Variants in FCSK observed in about 807,000 individuals in gnomAD.
FCSK encodes the protein fucose kinase.
Under a neutral mutation model 122.5 loss-of-function variants are expected in FCSK, and 123 were observed. That is an observed-to-expected ratio of 1.00 (90% CI 0.87 to 1.17). The LOEUF is 1.17. Among genes scored for constraint, FCSK ranks in the 50% most tolerant of loss-of-function variants. The pLI is 0.00. For missense variants in FCSK, 1,366 were observed against 1,450.4 expected (o/e 0.94, Z 0.95); for synonymous variants, 620 against 625.5 (o/e 0.99, Z 0.13).
At chr16:70,475,141 A>G in intron 18 of FCSK, 130 bp downstream of exon 18, 1 of 1,028,230 alleles carries the variant, frequency 9.7e-7, no homozygotes, top group Non-Finnish European at 1.4e-6. Flanking sequence ...GAAGGGAAGG[A>G]AGGGGCTGGG....
rs950699515 is a variant in FCSK, at chr16:70,479,304, C to A, written c.3054C>A (p.Gly1018=). 41 of 1,613,928 alleles carry A rather than the reference C, an allele frequency of 2.5e-5. No homozygotes were observed. Among genetic ancestry groups the A allele is most frequent in the Non-Finnish European group, 3.4e-5 (40 of 1,180,014 alleles). The change falls in exon 23 of 24, where the codon GGC becomes GGA. Residue 1018 remains glycine (G), a synonymous_variant. Transcript: ENST00000288078. The part of the protein sequence containing the change: ...MMDVLAPHVH[G]QSLAGAGGGG... ...ATGTCCTGGCCCCCCACGTGCATGGCCAGAGCCTGGCTGGGGCAGGCGGTG... is the reference window on the plus strand; with the variant it reads ...ATGTCCTGGCCCCCCACGTGCATGGACAGAGCCTGGCTGGGGCAGGCGGTG...
In FCSK at chr16:70,469,294, G is replaced by A; in HGVS notation, c.926G>A (p.Arg309Lys). The change falls in exon 10 of 24, where the codon AGG (arginine) becomes AAG (lysine). Residue 309 changes from arginine to lysine, a missense_variant. Transcript: ENST00000288078. ...CAGAGCGCCCGGGCCCAGCTGTGGA[G>A]GGAGCTTCGCGATCAGCCCCTTACC... ...YLQSARAQLW[R>K]ELRDQPLTMA... 1 of 1,609,460 alleles carries A rather than the reference G, an allele frequency of 6.2e-7. No homozygotes were observed. Among genetic ancestry groups the A allele is most frequent in the Non-Finnish European group, 8.5e-7 (1 of 1,178,730 alleles).
chr16:70,461,485 A>G (rs1428438702), intron 1 of FCSK, among the ~76,000 whole-genome samples: 4 of 152,034 alleles, frequency 2.6e-5, no homozygotes, highest in African/African-American at 9.7e-5. Context: ...GGTGAAGCCA[A>G]ATCTTTGGCC....
At chr16:70,456,694 T>G (rs2048101887) in intron 1 of FCSK, among the ~76,000 whole-genome samples, 1 of 152,200 alleles carries the variant, frequency 6.6e-6, no homozygotes, top group African/African-American at 2.4e-5. Context: ...GTCTTTGGCC[T>G]TAAATTTCAG....
chr16:70,478,782 G>C (rs756054578), intron 22 of FCSK, 132 bp downstream of exon 22: 2 of 773,738 alleles, frequency 2.6e-6, no homozygotes, highest in Middle Eastern at 2.2e-4. Context: ...GAAGCCTACT[G>C]TCTGTCCTCT....
At chr16:70,479,437 C>T (rs760776461) in intron 23 of FCSK, 34 bp downstream of exon 23, 2 of 1,582,858 alleles carry the variant, frequency 1.3e-6, no homozygotes, top group African/African-American at 1.3e-5. Context: ...AAAGAGACCT[C>T]TGGGGGCAAG....
At chr16:70,467,554 C>T in intron 7 of FCSK, 83 bp downstream of exon 7, 1 of 1,065,742 alleles carries the variant, frequency 9.4e-7, no homozygotes, top group Middle Eastern at 2.0e-4. Flanking sequence ...AGTGGGCAGC[C>T]TCTCATCCTG....
At chr16:70,463,510 A>G (rs775226283) in intron 2 of FCSK, 113 bp from the exon 3 acceptor site, 1 of 1,403,782 alleles carries the variant, frequency 7.1e-7, no homozygotes, top group Non-Finnish European at 9.8e-7. Flanking sequence ...GGCCTCCTAC[A>G]TGGAAAGCTA....
chr16:70,471,103 C>A (rs762446440), intron 12 of FCSK, 31 bp downstream of exon 12: 6 of 1,589,918 alleles, frequency 3.8e-6, no homozygotes, highest in Non-Finnish European at 5.1e-6. Context: ...CAGATTGGGG[C>A]GAGGGTGCTG....
intron 18 of FCSK, 64 bp from the exon 19 acceptor site, chr16:70,475,286 G>A: frequency 6.3e-7 from 1 of 1,581,790 alleles, no homozygotes; most frequent in South Asian, 1.1e-5. Flanking sequence ...GAAGTCCAGG[G>A]TGGGTGGGTG....
intron 16 of FCSK, 60 bp downstream of exon 16, chr16:70,474,399 C>A: frequency 6.3e-7 from 1 of 1,576,318 alleles, no homozygotes; most frequent in African/African-American, 1.3e-5. Flanking sequence ...GGAAGTGGAC[C>A]CTGATGGAGG....
At position 70,460,551 on chromosome 16, in the gene FCSK, C is replaced by G. The variant is rs186953618; in HGVS notation, c.-22-2618C>G. On this transcript the variant is annotated intron_variant, in intron 1 of 23. Transcript: ENST00000288078. Reference sequence around the variant, plus strand: ...TCCTGAGTAGCTGGGACTACAGGCACGTGCCACCACATCTGGCTAATTTTT... The same window carrying G: ...TCCTGAGTAGCTGGGACTACAGGCAGGTGCCACCACATCTGGCTAATTTTT... Among the ~76,000 whole-genome samples, 7 of 152,012 alleles carry G rather than the reference C, an allele frequency of 4.6e-5. No individual in the cohort carries two copies. The East Asian group carries it at 1.2e-3, about 25-fold the overall frequency.
chr16:70,475,884 C>A, intron 20 of FCSK, 117 bp downstream of exon 20: 1 of 1,092,498 alleles, frequency 9.2e-7, no homozygotes, highest in East Asian at 2.8e-5. Context: ...GACTGTGCTG[C>A]TGTTGGAAAT....
chr16:70,479,720 C>G lies in FCSK; in HGVS notation c.*40C>G, dbSNP rs1432268405. The G allele has an allele frequency of 1.3e-6, 2 of 1,517,852 alleles. No individual in the cohort carries two copies. Among genetic ancestry groups the G allele is most frequent in the African/African-American group, 2.7e-5 (2 of 73,174 alleles). The allele number at this position is 1,517,852 out of a possible 1,614,324, so 94.0% of individuals were successfully genotyped here. On this transcript the variant is annotated 3_prime_UTR_variant, in exon 24 of 24. Coordinates refer to ENST00000288078, the MANE Select transcript of FCSK (RefSeq NM_145059.3). ...TGCAACAGGAGAAAACCTGGAGCTA[C>G]AGTGTCCCCCACCTTCCTTGCCCCA... is the stretch of plus-strand genomic sequence containing the variant.
Position 70,470,313 on chromosome 16 carries a change from G to A in FCSK, c.956-1G>A, listed in dbSNP as rs1336799362. ...TGGGTTCAGTACTTATGTCTTTACA[G>A]CCTATGTCTCCAGCGGCAGCTACAG... On this transcript the variant is annotated splice_acceptor_variant, in intron 10 of 23. Coordinates refer to ENST00000288078, the MANE Select transcript of FCSK (RefSeq NM_145059.3). LOFTEE classifies it high-confidence loss of function. 3 of 1,609,344 alleles carry A rather than the reference G, an allele frequency of 1.9e-6. No individual in the cohort carries two copies. Among genetic ancestry groups the A allele is most frequent in the Middle Eastern group, 1.7e-4 (1 of 6,044 alleles).
intron 1 of FCSK, among the ~76,000 whole-genome samples, chr16:70,462,635 T>C (rs554627870): frequency 3.3e-5 from 5 of 151,506 alleles, no homozygotes; most frequent in Non-Finnish European, 7.4e-5. Flanking sequence ...CTGTTCGACA[T>C]TTTTTCTTTT....
At chr16:70,477,512 A>T (rs2048854850) in intron 20 of FCSK, 1 of 151,986 alleles carries the variant, frequency 6.6e-6, no homozygotes, top group Non-Finnish European at 1.5e-5. Context: ...AGCTACAAGG[A>T]GGAAAATGAT....
intron 1 of FCSK, among the ~76,000 whole-genome samples, chr16:70,458,656 G>A (rs924519961): frequency 3.3e-5 from 5 of 149,702 alleles, no homozygotes; most frequent in Admixed American, 3.3e-4. Flanking sequence ...CCATGTTGGC[G>A]AGGCTGGTCT....
At chr16:70,461,213 G>A (rs17886111) in intron 1 of FCSK, among the ~76,000 whole-genome samples, 16,060 of 152,204 alleles carry the variant, frequency 0.11, 2,802 homozygotes, top group African/African-American at 0.36. Flanking sequence ...CTGGGGTGTG[G>A]GCTGACCACC....
Sources: allele counts gnomAD v4.1 joint callset (sites outside exome capture counted in the v4.1 genomes callset), GRCh38; gene constraint gnomAD v4.1.1; transcripts MANE v1.5; gene names NCBI Gene and HGNC (gene_info 2026-07-23, HGNC 2026-07-21).